HMGCLL1: variants seen among roughly 807,000 people sequenced by gnomAD.
HMGCLL1 encodes the protein 3-hydroxy-3-methylglutaryl-CoA lyase like 1, also known as 3-hydroxymethyl-3-methylglutaryl-CoA lyase, cytoplasmic.
In HMGCLL1, 36 loss-of-function variants were observed where a neutral mutation model predicts 39.1. The observed-to-expected ratio is 0.92, with a 90% CI of 0.71 to 1.22. HMGCLL1 has a LOEUF of 1.22. Ranked by LOEUF, HMGCLL1 falls within the 50% of genes most tolerant of loss-of-function variation. HMGCLL1 has a pLI of 0.00. For missense variants in HMGCLL1, 451 were observed against 416.5 expected, an observed-to-expected ratio of 1.08 and a Z score of -0.72; for synonymous variants, 149 against 144.0, an observed-to-expected ratio of 1.03 and a Z score of -0.25.
the HMGCLL1 span, among the ~76,000 whole-genome samples, chr6:55,600,034 G>A: frequency 6.6e-6 from 1 of 152,060 alleles, no homozygotes; most frequent in Non-Finnish European, 1.5e-5. Context: ...TTACTTCAGT[G>A]TTTCTTCTGT....
At chr6:55,508,261 G>A (rs928017909) in intron 5 of HMGCLL1, among the ~76,000 whole-genome samples, 1 of 151,800 alleles carries the variant, frequency 6.6e-6, no homozygotes, top group Non-Finnish European at 1.5e-5. Flanking sequence ...AACATGTTGA[G>A]TAATGCTTTC....
At chr6:55,529,073 A>G (rs2127447130) in intron 3 of HMGCLL1, among the ~76,000 whole-genome samples, 1 of 152,254 alleles carries the variant, frequency 6.6e-6, no homozygotes, top group South Asian at 2.1e-4. Context: ...CCTAAGATAA[A>G]CATAATAAAT....
chr6:55,650,448 T>C, the HMGCLL1 span, among the ~76,000 whole-genome samples: 5 of 151,790 alleles, frequency 3.3e-5, no homozygotes, highest in South Asian at 8.3e-4. Context: ...TCTTTTCCCT[T>C]ACTTCCTCCA....
chr6:55,489,624 G>C (rs1766212194), intron 7 of HMGCLL1, among the ~76,000 whole-genome samples: 1 of 151,822 alleles, frequency 6.6e-6, no homozygotes. Flanking sequence ...GAGTTGTACT[G>C]ATTTTAAACT....
intron 1 of HMGCLL1, among the ~76,000 whole-genome samples, chr6:55,575,232 T>C (rs1454291824): frequency 6.6e-6 from 1 of 152,062 alleles, no homozygotes; most frequent in Non-Finnish European, 1.5e-5. Flanking sequence ...CCTCTTGGTC[T>C]ATTAAGGGAA....
At chr6:55,470,243 G>A (rs1764987761) in intron 7 of HMGCLL1, among the ~76,000 whole-genome samples, 1 of 151,838 alleles carries the variant, frequency 6.6e-6, no homozygotes, top group South Asian at 2.1e-4. Context: ...CACTAGAATA[G>A]TACAGGGTTT....
At chr6:55,578,091 A>G (rs985299925) in intron 1 of HMGCLL1, among the ~76,000 whole-genome samples, 2 of 152,226 alleles carry the variant, frequency 1.3e-5, no homozygotes, top group South Asian at 2.1e-4. Context: ...AAATATTACA[A>G]TAACAGAAGT....
upstream of HMGCLL1, among the ~76,000 whole-genome samples, chr6:55,581,655 G>A (rs184246708): frequency 2.6e-5 from 4 of 151,846 alleles, no homozygotes; most frequent in Admixed American, 2.0e-4. Context: ...TTTGTGGAAG[G>A]TTCTATAGTT....
chr6:55,643,044 A>G, the HMGCLL1 span, among the ~76,000 whole-genome samples: 1 of 152,054 alleles, frequency 6.6e-6, no homozygotes, highest in Non-Finnish European at 1.5e-5. Flanking sequence ...CCTATCATTG[A>G]TGGGCAGTTA....
chr6:55,485,304 G>A (rs934977467), intron 7 of HMGCLL1, among the ~76,000 whole-genome samples: 1 of 151,694 alleles, frequency 6.6e-6, no homozygotes, highest in African/African-American at 2.4e-5. Context: ...TCTATATTAG[G>A]CGTGTGTGTG....
At chr6:55,638,203 C>T in the HMGCLL1 span, among the ~76,000 whole-genome samples, 4 of 151,572 alleles carry the variant, frequency 2.6e-5, no homozygotes, top group Admixed American at 2.0e-4. Context: ...GTCAGGAGTT[C>T]GAGACTAGCC....
intron 3 of HMGCLL1, among the ~76,000 whole-genome samples, chr6:55,540,430 CATG>C (rs1206461882): frequency 2.0e-5 from 3 of 152,012 alleles, no homozygotes; most frequent in Non-Finnish European, 4.4e-5. Context: ...GCATTAGTAA[CATG>C]ATAAGGAGAG....
chr6:55,451,906 G>A (rs1764103785), intron 7 of HMGCLL1, among the ~76,000 whole-genome samples: 1 of 152,106 alleles, frequency 6.6e-6, no homozygotes. Context: ...AAAGCAGCAG[G>A]CAGTATATAT....
At chr6:55,665,015 A>T in the HMGCLL1 span, among the ~76,000 whole-genome samples, 2 of 151,676 alleles carry the variant, frequency 1.3e-5, no homozygotes, top group African/African-American at 2.4e-5. Context: ...TATCACTTCT[A>T]CCCTGTACAA....
intron 6 of HMGCLL1, among the ~76,000 whole-genome samples, chr6:55,497,982 AGAGT>A (rs1766667733): frequency 6.6e-6 from 1 of 152,188 alleles, no homozygotes; most frequent in Non-Finnish European, 1.5e-5. Context: ...CAGAGAGAAG[AGAGT>A]GAGTTAAGCA....
the HMGCLL1 span, among the ~76,000 whole-genome samples, chr6:55,617,417 GA>G: frequency 6.6e-6 from 1 of 152,032 alleles, no homozygotes; most frequent in African/African-American, 2.4e-5. Flanking sequence ...AAGAGGTTGG[GA>G]ACCATGCTAA....
the HMGCLL1 span, among the ~76,000 whole-genome samples, chr6:55,592,552 C>T: frequency 2.0e-5 from 3 of 152,092 alleles, no homozygotes; most frequent in South Asian, 6.2e-4. Flanking sequence ...GTGTCCTGTG[C>T]ATGGTGGGGA....
chr6:55,623,124 G>A, the HMGCLL1 span, among the ~76,000 whole-genome samples: 1 of 151,568 alleles, frequency 6.6e-6, no homozygotes, highest in Non-Finnish European at 1.5e-5. Flanking sequence ...CTCTGACTTT[G>A]TTTGATTCCT....
At chr6:55,627,235 C>G in the HMGCLL1 span, among the ~76,000 whole-genome samples, 472 of 151,960 alleles carry the variant, frequency 3.1e-3, 2 homozygotes, top group Non-Finnish European at 4.2e-3. Flanking sequence ...CATTTTTGTG[C>G]ATGTATACAC....
Sources: gnomAD v4.1 joint callset for allele counts (sites outside exome capture counted in the v4.1 genomes callset) on GRCh38, gnomAD v4.1.1 for gene constraint, MANE v1.5 for transcripts, NCBI Gene and HGNC (gene_info 2026-07-23, HGNC 2026-07-21) for gene names.